PPP2R1B: variants seen among roughly 807,000 people sequenced by gnomAD.
The protein encoded by PPP2R1B is serine/threonine-protein phosphatase 2A 65 kDa regulatory subunit A beta isoform.
In PPP2R1B, 58 loss-of-function variants were observed where a neutral mutation model predicts 72.7. The ratio of observed to expected loss-of-function variants is 0.80; its 90% CI spans 0.65 to 0.99. The LOEUF (loss-of-function observed/expected upper bound fraction) is 0.99, where lower values mean the gene tolerates loss of function less well. Among genes scored for constraint, PPP2R1B ranks in the 50% least tolerant of loss-of-function variants. The pLI, the probability that PPP2R1B is intolerant of heterozygous loss-of-function variation, is 0.00. For synonymous variants in PPP2R1B, 256 were observed against 264.6 expected (o/e 0.97, Z 0.32); for missense variants, 695 against 733.6 (o/e 0.95, Z 0.61).
At chr11:111,712,955 A>C in the PPP2R1B span, among the ~76,000 whole-genome samples, 4 of 152,154 alleles carry the variant, frequency 2.6e-5, no homozygotes, top group East Asian at 7.7e-4. Context: ...GCCTGAGCTC[A>C]GGAGTTCCAG....
rs1944387898 is a variant in PPP2R1B, at chr11:111,737,963, C to T, written c.*3633G>A. The T allele has an allele frequency of 3.9e-6, 4 of 1,020,778 alleles. No individual in the cohort carries two copies. The highest frequency in any genetic ancestry group is 8.2e-5 in the South Asian group (2 of 24,362). 63.2% of individuals were successfully genotyped at this position (1,020,778 alleles called of 1,614,324 possible). A position where few individuals can be genotyped will look rare whatever the true frequency, so the allele number is the denominator to read the frequency against. Reference sequence around the variant, plus strand: ...ACGCAATGAGTAATTAAACTCTATTCGTCCTCCGGAAGATTTCCATCCCAA... The same window carrying T: ...ACGCAATGAGTAATTAAACTCTATTTGTCCTCCGGAAGATTTCCATCCCAA... On this transcript the variant is annotated 3_prime_UTR_variant, in exon 15 of 15. Coordinates refer to ENST00000527614, the MANE Select transcript of PPP2R1B (RefSeq NM_002716.5).
intron 5 of PPP2R1B, among the ~76,000 whole-genome samples, chr11:111,755,660 G>A (rs1431738075): frequency 4.8e-5 from 7 of 146,484 alleles, no homozygotes; most frequent in African/African-American, 1.3e-4. Flanking sequence ...CACAATCTCC[G>A]CTCATTCCAA....
the PPP2R1B span, among the ~76,000 whole-genome samples, chr11:111,710,902 A>G: frequency 6.6e-6 from 1 of 152,196 alleles, no homozygotes; most frequent in Non-Finnish European, 1.5e-5. Flanking sequence ...ATCCCTTGAA[A>G]TAACTATAGC....
At chr11:111,704,287 C>T in the PPP2R1B span, among the ~76,000 whole-genome samples, 1 of 152,288 alleles carries the variant, frequency 6.6e-6, no homozygotes, top group South Asian at 2.1e-4. Flanking sequence ...ATCCTGGTGC[C>T]CTGCACAGCA....
chr11:111,752,195 G>A lies in PPP2R1B; in HGVS notation c.1302C>T (p.Ala434=), dbSNP rs782100904. 2 of 1,613,794 alleles carry A rather than the reference G, an allele frequency of 1.2e-6. No individual in the cohort carries two copies. Among genetic ancestry groups the A allele is most frequent in the Non-Finnish European group, 1.7e-6 (2 of 1,179,846 alleles). The change falls in exon 10 of 15, where the codon GCC becomes GCT. Residue 434 remains alanine (A), a synonymous_variant. Transcript: ENST00000527614. ...CCAGCAGCGGCATATACTCAATGAT[G>A]GCCAGGCGGACCCTCCATTTGGCAT... ...AEDAKWRVRL[A]IIEYMPLLAG...
At chr11:111,737,314 G>T, downstream of PPP2R1B, 1 of 1,328,954 alleles carries the variant, frequency 7.5e-7, no homozygotes, top group Non-Finnish European at 1.0e-6. Context: ...CCTTAAAATT[G>T]GACTCTTCCC....
chr11:111,723,816 C>A, downstream of PPP2R1B: 4 of 1,613,416 alleles, frequency 2.5e-6, no homozygotes, highest in Non-Finnish European at 3.4e-6. Context: ...CAGCAGCAGC[C>A]GCCACCGCCA....
chr11:111,763,992 C>T (rs1204530355), intron 3 of PPP2R1B, among the ~76,000 whole-genome samples: 1 of 152,150 alleles, frequency 6.6e-6, no homozygotes, highest in African/African-American at 2.4e-5. Context: ...AGCTCTGACA[C>T]ATACACCCCT....
chr11:111,759,988 T>C lies in PPP2R1B; in HGVS notation c.540-37A>G, dbSNP rs367795221. On this transcript the variant is annotated intron_variant, in intron 4 of 14. Transcript: ENST00000527614. ...AACAATGAAGGTATTTCCCATCAAA[T>C]AACACTGAATAAACCTGCCCCCCAT... The C allele has an allele frequency of 8.1e-6, 13 of 1,600,990 alleles. No individual in the cohort carries two copies. The African/African-American group carries it at 1.6e-4, about 20-fold the overall frequency.
intron 15 of PPP2R1B, among the ~76,000 whole-genome samples, chr11:111,732,188 G>A (rs1255295449): frequency 6.6e-6 from 1 of 152,182 alleles, no homozygotes; most frequent in African/African-American, 2.4e-5. Context: ...TGTTCCTGGC[G>A]AGCAGCTGCT....
At chr11:111,756,323 T>C (rs1212408930) in intron 5 of PPP2R1B, among the ~76,000 whole-genome samples, 2 of 151,506 alleles carry the variant, frequency 1.3e-5, no homozygotes, top group African/African-American at 2.4e-5. Flanking sequence ...AGCAAAGTAA[T>C]TACCTTGGCT....
At position 111,741,185 on chromosome 11, in the gene PPP2R1B, A is replaced by G. The variant is rs1019956664; in HGVS notation, c.*411T>C. 78 of 999,690 alleles carry G rather than the reference A, an allele frequency of 7.8e-5. No homozygotes were observed. The highest frequency in any genetic ancestry group is 8.7e-5 in the Non-Finnish European group (73 of 838,926). The allele number at this position is 999,690 out of a possible 1,614,324, so 61.9% of individuals were successfully genotyped here. A position where few individuals can be genotyped will look rare whatever the true frequency, so the allele number is the denominator to read the frequency against. On this transcript the variant is annotated 3_prime_UTR_variant, in exon 15 of 15. Coordinates refer to ENST00000527614, the MANE Select transcript of PPP2R1B (RefSeq NM_002716.5). ...CTAAACATGTACATTTAGCTTTGGA[A>G]TGATGGAGAGACACAGAGATATATG...
chr11:111,700,831 A>G, the PPP2R1B span: 2 of 1,600,540 alleles, frequency 1.2e-6, no homozygotes, highest in Non-Finnish European at 1.7e-6. Context: ...TTACAGAGAA[A>G]TGCAGTATAG....
chr11:111,720,782 C>T, the PPP2R1B span: 1 of 1,573,306 alleles, frequency 6.4e-7, no homozygotes. Flanking sequence ...TCCTCCTCTG[C>T]TTTTTGAAAC....
At chr11:111,743,965 C>T (rs1944614837) in intron 11 of PPP2R1B, among the ~76,000 whole-genome samples, 1 of 152,116 alleles carries the variant, frequency 6.6e-6, no homozygotes, top group South Asian at 2.1e-4. Context: ...CAGGGAAGGT[C>T]TAGGAAGGCT....
chr11:111,741,892 AG>A, intron 14 of PPP2R1B, 160 bp downstream of exon 14: 1 of 791,654 alleles, frequency 1.3e-6, no homozygotes, highest in South Asian at 1.5e-5. Flanking sequence ...TGGTGGGCCA[AG>A]AGGGTTCTAA....
the PPP2R1B span, among the ~76,000 whole-genome samples, chr11:111,712,889 G>A: frequency 3.3e-5 from 5 of 152,306 alleles, no homozygotes; most frequent in South Asian, 8.3e-4. Flanking sequence ...GCTGGGCCAG[G>A]CACAGTGGCT....
the PPP2R1B span, among the ~76,000 whole-genome samples, chr11:111,692,817 T>A: frequency 6.8e-6 from 1 of 146,812 alleles, no homozygotes; most frequent in African/African-American, 2.5e-5. Flanking sequence ...TTTTTCTGGG[T>A]TTTTTTTTTG....
the PPP2R1B span, among the ~76,000 whole-genome samples, chr11:111,694,528 T>C: frequency 6.6e-6 from 1 of 152,154 alleles, no homozygotes; most frequent in South Asian, 2.1e-4. Flanking sequence ...TCTGTATATA[T>C]GATTTCAGAT....
Sources: allele counts gnomAD v4.1 joint callset (sites outside exome capture counted in the v4.1 genomes callset), GRCh38; gene constraint gnomAD v4.1.1; transcripts MANE v1.5; gene names NCBI Gene and HGNC (gene_info 2026-07-23, HGNC 2026-07-21).